The following KCNAB1 variants were observed in gnomAD, a reference collection of about 807,000 sequenced individuals.
KCNAB1 encodes potassium voltage-gated channel subfamily A regulatory beta subunit 1.
Under a neutral mutation model 64.6 loss-of-function variants are expected in KCNAB1, and 35 were observed. The ratio of observed to expected loss-of-function variants is 0.54; its 90% CI spans 0.41 to 0.72. The LOEUF is 0.72. KCNAB1 is among the 30% of genes least tolerant of loss of function. The pLI, the probability that KCNAB1 is intolerant of heterozygous loss-of-function variation, is 0.00. For missense variants in KCNAB1, 401 were observed against 512.9 expected (o/e 0.78, Z 2.11); for synonymous variants, 177 against 183.8 (o/e 0.96, Z 0.30).
intron 1 of KCNAB1, among the ~76,000 whole-genome samples, chr3:156,233,341 G>A (rs892104248): frequency 4.6e-5 from 7 of 152,106 alleles, no homozygotes; most frequent in Admixed American, 2.6e-4. Flanking sequence ...GGAAGGTCTC[G>A]CTGAGAAGAT....
At chr3:156,208,337 C>G (rs529221278) in intron 1 of KCNAB1, among the ~76,000 whole-genome samples, 1 of 152,174 alleles carries the variant, frequency 6.6e-6, no homozygotes, top group Non-Finnish European at 1.5e-5. Context: ...TCCTTTTTCA[C>G]GGCCATGCTT....
chr3:156,145,446 G>A (rs1178414844), intron 1 of KCNAB1, among the ~76,000 whole-genome samples: 1 of 152,122 alleles, frequency 6.6e-6, no homozygotes, highest in Non-Finnish European at 1.5e-5. Flanking sequence ...TTAGGAAAGA[G>A]AACCAGGGTT....
intron 1 of KCNAB1, among the ~76,000 whole-genome samples, chr3:156,233,757 A>G (rs989321869): frequency 2.6e-5 from 4 of 152,040 alleles, no homozygotes; most frequent in African/African-American, 9.7e-5. Flanking sequence ...TCTTCAGTAA[A>G]GAGCTGGGAA....
Position 156,402,383 on chromosome 3 carries a change from A to C in KCNAB1, c.276-19233A>C, listed in dbSNP as rs570451230. ...ACCTTCACATAAGCTGTCTTTGTAA[A>C]CATATACTTTTGGCCTACCAGTGTT... On this transcript the variant is annotated intron_variant, in intron 1 of 13. Coordinates refer to ENST00000490337, the MANE Select transcript of KCNAB1 (RefSeq NM_172160.3). Among the ~76,000 whole-genome samples, 4 of 152,328 alleles carry C rather than the reference A, an allele frequency of 2.6e-5. No homozygotes were observed. The East Asian group carries it at 7.7e-4, about 29-fold the overall frequency.
chr3:156,165,094 C>T (rs1228810249), intron 1 of KCNAB1, among the ~76,000 whole-genome samples: 1 of 151,456 alleles, frequency 6.6e-6, no homozygotes, highest in Admixed American at 6.6e-5. Context: ...CCGGCTAAAA[C>T]GGTGAAACCC....
At chr3:156,284,669 A>G (rs940483593) in intron 1 of KCNAB1, among the ~76,000 whole-genome samples, 11 of 152,198 alleles carry the variant, frequency 7.2e-5, no homozygotes, top group African/African-American at 2.6e-4. Context: ...TAGTCTCGTG[A>G]TGCGCCGTTT....
intron 8 of KCNAB1, among the ~76,000 whole-genome samples, chr3:156,500,561 G>T (rs1015357367): frequency 1.3e-5 from 2 of 152,064 alleles, no homozygotes; most frequent in East Asian, 1.9e-4. Flanking sequence ...ATTATCTTTA[G>T]ACATTTTTAT....
chr3:156,204,968 A>G (rs1048680101), intron 1 of KCNAB1, among the ~76,000 whole-genome samples: 9 of 152,256 alleles, frequency 5.9e-5, no homozygotes, highest in Non-Finnish European at 1.2e-4. Context: ...GTATTCAAAC[A>G]CAAGAGAAAA....
At chr3:156,306,410 A>T (rs771333482) in intron 1 of KCNAB1, among the ~76,000 whole-genome samples, 21 of 152,218 alleles carry the variant, frequency 1.4e-4, no homozygotes, top group Non-Finnish European at 2.6e-4. Context: ...GAAAGATGGG[A>T]TCCTCCAGTT....
At chr3:156,234,866 C>G (rs938467069) in intron 1 of KCNAB1, among the ~76,000 whole-genome samples, 2 of 152,140 alleles carry the variant, frequency 1.3e-5, no homozygotes, top group African/African-American at 4.8e-5. Flanking sequence ...TCAACGTATA[C>G]CAGAGTTTGC....
intron 1 of KCNAB1, among the ~76,000 whole-genome samples, chr3:156,149,244 C>G (rs748631133): frequency 4.2e-4 from 63 of 151,746 alleles, no homozygotes; most frequent in Non-Finnish European, 6.9e-4. Flanking sequence ...GATGGTAGAC[C>G]AAGAAGGAAA....
At chr3:156,312,470 G>A (rs147807576) in intron 1 of KCNAB1, among the ~76,000 whole-genome samples, 2,145 of 152,196 alleles carry the variant, frequency 0.014, 21 homozygotes, top group South Asian at 0.032. Flanking sequence ...CCAGCACTTC[G>A]GGAGGCCGAG....
chr3:156,188,884 T>C (rs930276789), intron 1 of KCNAB1, among the ~76,000 whole-genome samples: 9 of 152,174 alleles, frequency 5.9e-5, no homozygotes, highest in African/African-American at 2.2e-4. Flanking sequence ...AGACAGATAG[T>C]TGTGATCACT....
At chr3:156,305,276 T>A (rs768345324) in intron 1 of KCNAB1, among the ~76,000 whole-genome samples, 1 of 152,230 alleles carries the variant, frequency 6.6e-6, no homozygotes, top group Non-Finnish European at 1.5e-5. Flanking sequence ...ATAGGTCTTG[T>A]TATTTAGCTT....
intron 1 of KCNAB1, among the ~76,000 whole-genome samples, chr3:156,328,519 T>C (rs2108039832): frequency 6.6e-6 from 1 of 152,292 alleles, no homozygotes; most frequent in South Asian, 2.1e-4. Context: ...GCTCCTTTAT[T>C]ATTTAGCTGG....
intron 1 of KCNAB1, among the ~76,000 whole-genome samples, chr3:156,181,877 G>T (rs1202147396): frequency 1.3e-5 from 2 of 152,150 alleles, no homozygotes; most frequent in Non-Finnish European, 2.9e-5. Context: ...ATGTTCAATA[G>T]ACAGGAATTT....
chr3:156,149,716 C>T (rs1577642024), intron 1 of KCNAB1, among the ~76,000 whole-genome samples: 1 of 152,152 alleles, frequency 6.6e-6, no homozygotes, highest in South Asian at 2.1e-4. Flanking sequence ...ATAGTGGATA[C>T]CCAGGAAAGA....
At chr3:156,450,161 G>C (rs1193703798) in intron 2 of KCNAB1, among the ~76,000 whole-genome samples, 2 of 152,192 alleles carry the variant, frequency 1.3e-5, no homozygotes, top group East Asian at 3.8e-4. Flanking sequence ...TGGACTTGGG[G>C]ATAGTGTACC....
At chr3:156,437,173 T>G (rs1559884041) in intron 2 of KCNAB1, among the ~76,000 whole-genome samples, 1 of 152,204 alleles carries the variant, frequency 6.6e-6, no homozygotes, top group Non-Finnish European at 1.5e-5. Flanking sequence ...GGATTGGTCT[T>G]TTATTCAGGG....
Sources: allele counts gnomAD v4.1 joint callset (sites outside exome capture counted in the v4.1 genomes callset), GRCh38; gene constraint gnomAD v4.1.1; transcripts MANE v1.5; gene names NCBI Gene and HGNC (gene_info 2026-07-23, HGNC 2026-07-21).